Variants in TM9SF3 observed in about 807,000 individuals in gnomAD.
TM9SF3 encodes the protein transmembrane 9 superfamily member 3.
Under a neutral mutation model 78.6 loss-of-function variants are expected in TM9SF3, and 14 were observed. That is an observed-to-expected ratio of 0.18 (90% confidence interval 0.12 to 0.28). The LOEUF is 0.28. Among genes scored for constraint, TM9SF3 ranks in the 10% least tolerant of loss-of-function variants. The probability of loss-of-function intolerance (pLI) is 1.00; values close to 1 mark genes in which losing one functional copy is unlikely to be tolerated. For synonymous variants in TM9SF3, 231 were observed against 241.7 expected, an observed-to-expected ratio of 0.96 and a Z score of 0.41; for missense variants, 496 against 721.9, an observed-to-expected ratio of 0.69 and a Z score of 3.59.
chr10:96,534,055 GA>G (rs1055603618), intron 9 of TM9SF3, among the ~76,000 whole-genome samples: 1 of 151,666 alleles, frequency 6.6e-6, no homozygotes, highest in African/African-American at 2.4e-5. Flanking sequence ...AAAAGTGAGA[GA>G]AAAACTGAAT....
At position 96,586,780 on chromosome 10, in the gene TM9SF3, A is replaced by T; in HGVS notation, c.56T>A (p.Leu19Gln). The T allele has an allele frequency of 7.8e-7, 1 of 1,288,384 alleles. No homozygotes were observed. The highest frequency in any genetic ancestry group is 2.5e-5 in the South Asian group (1 of 40,350). 79.8% of individuals were successfully genotyped at this position (1,288,384 alleles called of 1,614,324 possible). A position where few individuals can be genotyped will look rare whatever the true frequency, so the allele number is the denominator to read the frequency against. The change falls in exon 1 of 15, where the codon CTG becomes CAG. Residue 19 changes from leucine to glutamine, a missense_variant. Physicochemically the swap from Leu to Gln is moderately radical, Grantham distance 113 (BLOSUM62 -2). Around this residue, in one of 4 missense-constraint regions of TM9SF3, gnomAD observed 58 missense variants for 32.9 expected, o/e 1.76. Coordinates refer to ENST00000371142, the MANE Select transcript of TM9SF3 (RefSeq NM_020123.4). The stretch of plus-strand genomic sequence containing the variant: ...CCGGGTCCGGGGCAGCAGCAGCAGC[A>T]GCAGCCACAGCGCGGCGGCCGCCGC... The part of the protein sequence containing the change: ...GVAAAAALWL[L>Q]LLLLPRTRAD...
Position 96,521,640 on chromosome 10 carries a change from CA to C in TM9SF3, c.*622del, listed in dbSNP as rs1847774990. The C allele has an allele frequency of 1.3e-5, 2 of 151,038 alleles. No individual in the cohort carries two copies. The highest frequency in any genetic ancestry group is 3.0e-5 in the Non-Finnish European group (2 of 67,222). 9.4% of individuals were successfully genotyped at this position (151,038 alleles called of 1,614,324 possible). ...AAGATAAATAAATGGGAAGTTGGTCCAACTAAGATGACAGCAGATATATTAC... is the reference window on the plus strand; with the variant it reads ...AAGATAAATAAATGGGAAGTTGGTCCACTAAGATGACAGCAGATATATTAC... On this transcript the variant is annotated 3_prime_UTR_variant, in exon 15 of 15. Coordinates refer to ENST00000371142, the MANE Select transcript of TM9SF3 (RefSeq NM_020123.4).
At chr10:96,581,218 A>G (rs1336730375) in intron 1 of TM9SF3, among the ~76,000 whole-genome samples, 1 of 152,264 alleles carries the variant, frequency 6.6e-6, no homozygotes, top group Non-Finnish European at 1.5e-5. Context: ...GGGGGGTACC[A>G]AAGTTTTCCT....
At chr10:96,545,448 G>A (rs1449814791) in intron 8 of TM9SF3, among the ~76,000 whole-genome samples, 1 of 152,136 alleles carries the variant, frequency 6.6e-6, no homozygotes, top group African/African-American at 2.4e-5. Flanking sequence ...TAAGTTTCAA[G>A]AACCTCTCCT....
chr10:96,558,730 T>C (rs1038646558), intron 5 of TM9SF3, among the ~76,000 whole-genome samples: 4 of 151,938 alleles, frequency 2.6e-5, no homozygotes, highest in South Asian at 4.2e-4. Context: ...AGTGATAGGT[T>C]CCGGTAGAGT....
chr10:96,549,914 T>G (rs1022681015), intron 7 of TM9SF3, among the ~76,000 whole-genome samples: 5 of 151,898 alleles, frequency 3.3e-5, no homozygotes, highest in Non-Finnish European at 5.9e-5. Flanking sequence ...TATCTTCTAG[T>G]GGCTCTTAAG....
At chr10:96,580,699 A>G (rs551616332) in intron 1 of TM9SF3, among the ~76,000 whole-genome samples, 23 of 152,282 alleles carry the variant, frequency 1.5e-4, no homozygotes, top group Non-Finnish European at 2.2e-4. Flanking sequence ...TTAACTCACC[A>G]AACCCTAACA....
At chr10:96,585,633 A>G (rs1848620277) in intron 1 of TM9SF3, among the ~76,000 whole-genome samples, 1 of 152,262 alleles carries the variant, frequency 6.6e-6, no homozygotes, top group Admixed American at 6.5e-5. Flanking sequence ...GATCCAGCGA[A>G]AAGTTTTGTT....
intron 5 of TM9SF3, among the ~76,000 whole-genome samples, chr10:96,555,366 C>A (rs2134146344): frequency 6.6e-6 from 1 of 152,286 alleles, no homozygotes; most frequent in Non-Finnish European, 1.5e-5. Context: ...CTCCCCTTAG[C>A]AAATTCTACC....
chr10:96,576,900 G>T, intron 1 of TM9SF3, 71 bp from the exon 2 acceptor site: 1 of 1,308,884 alleles, frequency 7.6e-7, no homozygotes, highest in Non-Finnish European at 1.0e-6. Context: ...AATATTTGTT[G>T]TGTGTTCTAA....
chr10:96,585,357 G>A (rs1022844086), intron 1 of TM9SF3, among the ~76,000 whole-genome samples: 9 of 152,152 alleles, frequency 5.9e-5, no homozygotes, highest in African/African-American at 2.2e-4. Flanking sequence ...TATACTATGT[G>A]AAACAATAGC....
At chr10:96,556,619 C>T (rs1203047070) in intron 5 of TM9SF3, among the ~76,000 whole-genome samples, 1 of 151,992 alleles carries the variant, frequency 6.6e-6, no homozygotes, top group African/African-American at 2.4e-5. Flanking sequence ...TCCACTGAAC[C>T]CCATCAGCAT....
At chr10:96,545,776 C>G (rs1410935285) in intron 8 of TM9SF3, among the ~76,000 whole-genome samples, 5 of 152,156 alleles carry the variant, frequency 3.3e-5, no homozygotes, top group African/African-American at 1.2e-4. Flanking sequence ...GTAATCCTAG[C>G]TATTGAGCAG....
At chr10:96,584,299 T>A (rs1046380093) in intron 1 of TM9SF3, among the ~76,000 whole-genome samples, 2 of 152,128 alleles carry the variant, frequency 1.3e-5, no homozygotes, top group Non-Finnish European at 2.9e-5. Flanking sequence ...CAGAAAAAAA[T>A]AAATAAAACT....
chr10:96,582,569 T>C (rs1848582425), intron 1 of TM9SF3, among the ~76,000 whole-genome samples: 1 of 152,234 alleles, frequency 6.6e-6, no homozygotes, highest in African/African-American at 2.4e-5. Context: ...CCTATGTCCC[T>C]TCAATCAGTT....
intron 9 of TM9SF3, among the ~76,000 whole-genome samples, chr10:96,537,222 C>T (rs539189454): frequency 3.4e-4 from 52 of 152,142 alleles, no homozygotes; most frequent in Non-Finnish European, 6.5e-4. Context: ...TGATGGACCA[C>T]GTATCTGACG....
At chr10:96,529,756 C>A (rs960653101) in intron 11 of TM9SF3, among the ~76,000 whole-genome samples, 1 of 151,870 alleles carries the variant, frequency 6.6e-6, no homozygotes, top group African/African-American at 2.4e-5. Context: ...AACCAACTAC[C>A]AAATCCAATT....
intron 14 of TM9SF3, among the ~76,000 whole-genome samples, chr10:96,526,997 C>G (rs928248296): frequency 1.3e-5 from 2 of 151,940 alleles, no homozygotes; most frequent in African/African-American, 2.4e-5. Flanking sequence ...AAATTCTGTG[C>G]TATACAGAAT....
At chr10:96,534,776 T>G (rs1439037993) in intron 9 of TM9SF3, among the ~76,000 whole-genome samples, 1 of 152,170 alleles carries the variant, frequency 6.6e-6, no homozygotes, top group Non-Finnish European at 1.5e-5. Flanking sequence ...TGTAATAAGA[T>G]ATATATAGCT....
Sources: allele counts gnomAD v4.1 joint callset (sites outside exome capture counted in the v4.1 genomes callset), GRCh38; gene constraint gnomAD v4.1.1; regional missense constraint gnomAD v4.1.1; transcripts MANE v1.5; gene names NCBI Gene and HGNC (gene_info 2026-07-23, HGNC 2026-07-21).